GALNT13: variants seen among roughly 807,000 people sequenced by gnomAD.
The protein encoded by GALNT13 is polypeptide N-acetylgalactosaminyltransferase 13.
In GALNT13, 28 loss-of-function variants were observed where a neutral mutation model predicts 64.2. The observed-to-expected ratio is 0.44, with a 90% CI of 0.32 to 0.60. GALNT13 has a LOEUF of 0.60. GALNT13 is among the 20% of genes least tolerant of loss of function. The pLI is 0.05. For missense variants in GALNT13, 577 were observed against 669.8 expected (o/e 0.86, Z 1.53); for synonymous variants, 214 against 224.6 (o/e 0.95, Z 0.42).
chr2:153,352,525 A>C, the GALNT13 span, among the ~76,000 whole-genome samples: 1 of 152,100 alleles, frequency 6.6e-6, no homozygotes, highest in Non-Finnish European at 1.5e-5. Flanking sequence ...AATAATTGTC[A>C]TCACCAATCC....
At chr2:153,434,376 C>G in the GALNT13 span, among the ~76,000 whole-genome samples, 7 of 152,286 alleles carry the variant, frequency 4.6e-5, 1 homozygote, top group South Asian at 6.2e-4. Flanking sequence ...AATGGTCTTT[C>G]TAGTTGTAGA....
At chr2:153,151,692 A>G in the GALNT13 span, among the ~76,000 whole-genome samples, 1 of 152,122 alleles carries the variant, frequency 6.6e-6, no homozygotes, top group African/African-American at 2.4e-5. Flanking sequence ...GATGTGGATG[A>G]AGCTGGAAAC....
intron 3 of GALNT13, among the ~76,000 whole-genome samples, chr2:154,090,731 A>G (rs1701763305): frequency 6.6e-6 from 1 of 152,012 alleles, no homozygotes; most frequent in South Asian, 2.1e-4. Flanking sequence ...TTTTATATTT[A>G]TCCTATTCAC....
At chr2:153,602,414 G>C in the GALNT13 span, among the ~76,000 whole-genome samples, 1 of 151,628 alleles carries the variant, frequency 6.6e-6, no homozygotes, top group Non-Finnish European at 1.5e-5. Context: ...TCAAGATTTA[G>C]TTTGGTGGGT....
intron 4 of GALNT13, among the ~76,000 whole-genome samples, chr2:154,161,099 C>T (rs1272673437): frequency 6.6e-6 from 1 of 152,142 alleles, no homozygotes; most frequent in African/African-American, 2.4e-5. Context: ...CAAAGTTTTA[C>T]TCTTTCTTCT....
chr2:153,312,535 C>T, the GALNT13 span, among the ~76,000 whole-genome samples: 1 of 152,120 alleles, frequency 6.6e-6, no homozygotes, highest in Non-Finnish European at 1.5e-5. Context: ...ACAATATCAT[C>T]AGGGTTCTGA....
chr2:153,563,398 AT>A, the GALNT13 span, among the ~76,000 whole-genome samples: 3 of 150,474 alleles, frequency 2.0e-5, no homozygotes, highest in Non-Finnish European at 4.4e-5. Context: ...TTATCATCAG[AT>A]TTTTTAGTGG....
the GALNT13 span, among the ~76,000 whole-genome samples, chr2:153,691,828 CAATA>C: frequency 2.6e-5 from 4 of 151,990 alleles, no homozygotes; most frequent in Non-Finnish European, 5.9e-5. Context: ...CAATTTTTGG[CAATA>C]AATAAATATA....
At chr2:153,951,062 A>G (rs974982637) in intron 3 of GALNT13, among the ~76,000 whole-genome samples, 21 of 152,148 alleles carry the variant, frequency 1.4e-4, no homozygotes, top group African/African-American at 4.8e-4. Context: ...ACAAAAGCCA[A>G]AAAAGACTAA....
chr2:153,546,423 C>A, the GALNT13 span, among the ~76,000 whole-genome samples: 1 of 152,132 alleles, frequency 6.6e-6, no homozygotes, highest in Non-Finnish European at 1.5e-5. Flanking sequence ...TGTAGCTGAT[C>A]TTGTAGGTGT....
At chr2:153,685,898 G>A in the GALNT13 span, among the ~76,000 whole-genome samples, 1 of 151,976 alleles carries the variant, frequency 6.6e-6, no homozygotes, top group Admixed American at 6.6e-5. Context: ...ATTGAACAAG[G>A]AATACCTTCC....
chr2:153,649,203 G>T, the GALNT13 span, among the ~76,000 whole-genome samples: 5 of 152,156 alleles, frequency 3.3e-5, no homozygotes, highest in Non-Finnish European at 7.4e-5. Flanking sequence ...GAGGGTGTAT[G>T]TTTCAAGGAA....
At chr2:154,445,513 T>C (rs560402567) in intron 12 of GALNT13, among the ~76,000 whole-genome samples, 5 of 152,030 alleles carry the variant, frequency 3.3e-5, no homozygotes, top group African/African-American at 1.2e-4. Flanking sequence ...GGAAAATTCA[T>C]GTTTGGTTTA....
intron 9 of GALNT13, among the ~76,000 whole-genome samples, chr2:154,336,835 C>G (rs1307694687): frequency 6.6e-6 from 1 of 151,990 alleles, no homozygotes; most frequent in Non-Finnish European, 1.5e-5. Context: ...TGCAGTGGGA[C>G]TTCTTGACTA....
the GALNT13 span, among the ~76,000 whole-genome samples, chr2:153,787,767 A>T: frequency 1.3e-5 from 2 of 152,246 alleles, no homozygotes; most frequent in African/African-American, 4.8e-5. Context: ...TGATAGAACC[A>T]AAAAACATAC....
downstream of GALNT13, among the ~76,000 whole-genome samples, chr2:154,456,102 T>C (rs1702028795): frequency 6.6e-6 from 1 of 151,726 alleles, no homozygotes; most frequent in South Asian, 2.1e-4. Context: ...CTGCTAAAAA[T>C]AGCACAAGGG....
chr2:153,382,275 A>G, the GALNT13 span, among the ~76,000 whole-genome samples: 1 of 151,914 alleles, frequency 6.6e-6, no homozygotes, highest in Non-Finnish European at 1.5e-5. Context: ...GGTATATTGA[A>G]CCCAAGTAGT....
At chr2:154,026,565 C>T (rs1374050699) in intron 3 of GALNT13, among the ~76,000 whole-genome samples, 1 of 152,132 alleles carries the variant, frequency 6.6e-6, no homozygotes, top group Non-Finnish European at 1.5e-5. Flanking sequence ...AGGTTCTGGT[C>T]AGAGTCTTTT....
the GALNT13 span, among the ~76,000 whole-genome samples, chr2:153,521,775 A>G: frequency 6.6e-6 from 1 of 152,058 alleles, no homozygotes; most frequent in Non-Finnish European, 1.5e-5. Context: ...AATGTCATAT[A>G]GTTGGAATTA....
Sources: allele counts gnomAD v4.1 joint callset (sites outside exome capture counted in the v4.1 genomes callset), GRCh38; gene constraint gnomAD v4.1.1; transcripts MANE v1.5; gene names NCBI Gene and HGNC (gene_info 2026-07-23, HGNC 2026-07-21).